TENM1: variants seen among roughly 807,000 people sequenced by gnomAD.
The protein encoded by TENM1 is teneurin transmembrane protein 1.
TENM1 carries 35 observed loss-of-function variants against 174.8 expected under a neutral mutation model. The ratio of observed to expected loss-of-function variants is 0.20; its 90% CI spans 0.15 to 0.27. The LOEUF is 0.27. Among genes scored for constraint, TENM1 ranks in the 10% least tolerant of loss-of-function variants. The probability of loss-of-function intolerance (pLI) is 1.00; values close to 1 mark genes in which losing one functional copy is unlikely to be tolerated. For missense variants in TENM1, 1,633 were observed against 2,130.1 expected (o/e 0.77, Z 4.59); for synonymous variants, 781 against 798.7 (o/e 0.98, Z 0.37).
At chrX:124,780,946 T>C (rs1317680524) in intron 3 of TENM1, among the ~76,000 whole-genome samples, 1 of 111,619 alleles carries the variant, frequency 9.0e-6, no homozygotes, top group African/African-American at 3.3e-5. Context: ...TGGTCACTTG[T>C]ACTGTTATTC....
chrX:124,428,571 G>A (rs1370650269), intron 23 of TENM1, among the ~76,000 whole-genome samples: 2 of 111,775 alleles, frequency 1.8e-5, no homozygotes, highest in Non-Finnish European at 3.8e-5. Flanking sequence ...TATATTCTAC[G>A]AGTCTCTGGT....
the TENM1 span, among the ~76,000 whole-genome samples, chrX:125,181,172 C>T: frequency 8.9e-6 from 1 of 112,036 alleles, no homozygotes; most frequent in Admixed American, 9.5e-5. Flanking sequence ...TTTTCAACAT[C>T]ACAACTCTGT....
chrX:124,865,697 T>G (rs745986699), intron 3 of TENM1, among the ~76,000 whole-genome samples: 1 of 111,022 alleles, frequency 9.0e-6, no homozygotes, highest in South Asian at 3.8e-4. Context: ...TGGACTAAAC[T>G]CTCCAATCAA....
intron 21 of TENM1, among the ~76,000 whole-genome samples, chrX:124,484,085 C>T (rs2046902936): frequency 9.0e-6 from 1 of 111,384 alleles, no homozygotes; most frequent in African/African-American, 3.3e-5. Flanking sequence ...TTTTTGATGA[C>T]CTTAACAGTT....
intron 22 of TENM1, 127 bp downstream of exon 25, chrX:124,481,605 G>A (rs2046842218): frequency 1.4e-5 from 3 of 218,134 alleles, no homozygotes; most frequent in South Asian, 5.6e-4. Context: ...GGCTCTCAGA[G>A]GCAAAATATT....
chrX:125,164,518 C>G, the TENM1 span, among the ~76,000 whole-genome samples: 1 of 112,028 alleles, frequency 8.9e-6, no homozygotes, highest in Admixed American at 9.5e-5. Context: ...TTTCTCTTCT[C>G]TGAATTTGTA....
At chrX:124,772,284 C>T (rs775172662) in intron 3 of TENM1, among the ~76,000 whole-genome samples, 25 of 111,354 alleles carry the variant, frequency 2.2e-4, no homozygotes, top group Admixed American at 6.7e-4. Flanking sequence ...TACACGCACA[C>T]GCCACCACAC....
At chrX:125,135,165 G>GT in the TENM1 span, among the ~76,000 whole-genome samples, 3 of 110,521 alleles carry the variant, frequency 2.7e-5, no homozygotes, top group Non-Finnish European at 5.7e-5. Context: ...GTTGCAAAAT[G>GT]TTTTTTTATC....
chrX:124,717,746 C>G (rs763536445), intron 4 of TENM1, among the ~76,000 whole-genome samples: 2 of 111,894 alleles, frequency 1.8e-5, no homozygotes, highest in Non-Finnish European at 3.8e-5. Flanking sequence ...CCATATTGAG[C>G]AAGAAACAGA....
chrX:125,151,096 G>A, the TENM1 span, among the ~76,000 whole-genome samples: 1 of 111,850 alleles, frequency 8.9e-6, no homozygotes, highest in Non-Finnish European at 1.9e-5. Flanking sequence ...ATTCCAGTGG[G>A]CCTACAGATC....
the TENM1 span, among the ~76,000 whole-genome samples, chrX:125,188,426 GA>G: frequency 0.014 from 1,527 of 111,363 alleles, 31 homozygotes; most frequent in African/African-American, 0.046. Context: ...TAAAGCAGAA[GA>G]AAAAAGAAAC....
At chrX:124,385,556 T>C in intron 29 of TENM1, 121 bp downstream of exon 32, 1 of 651,716 alleles carries the variant, frequency 1.5e-6, no homozygotes, top group South Asian at 3.7e-5. Context: ...ATTTGATAAG[T>C]AAAGTGAAAG....
chrX:124,491,453 T>C (rs184716980), intron 20 of TENM1, among the ~76,000 whole-genome samples: 1 of 111,593 alleles, frequency 9.0e-6, no homozygotes, highest in East Asian at 2.8e-4. Context: ...TATCTTAAAA[T>C]TTTTTTCAAG....
intron 5 of TENM1, among the ~76,000 whole-genome samples, chrX:124,682,659 C>T (rs1336025499): frequency 1.8e-5 from 2 of 111,109 alleles, no homozygotes; most frequent in Non-Finnish European, 3.8e-5. Context: ...TACATTATGG[C>T]ACAGACACCT....
At chrX:124,522,480 A>C (rs959601283) in intron 17 of TENM1, among the ~76,000 whole-genome samples, 1 of 110,858 alleles carries the variant, frequency 9.0e-6, no homozygotes, top group African/African-American at 3.3e-5. Context: ...ATAAAGAATA[A>C]TTCTCAGGAA....
intron 3 of TENM1, among the ~76,000 whole-genome samples, chrX:124,787,279 A>G (rs1201554981): frequency 9.0e-6 from 1 of 111,699 alleles, no homozygotes; most frequent in Non-Finnish European, 1.9e-5. Context: ...ATTAATAACA[A>G]TGTATCTCCA....
Position 124,520,215 on chromosome X carries a change from C to T in TENM1, c.3301+302G>A, listed in dbSNP as rs151125263. Among the ~76,000 whole-genome samples the T allele has an allele frequency of 5.4e-3, 599 of 111,489 alleles. 3 individuals carry two copies. Among genetic ancestry groups the T allele is most frequent in the African/African-American group, 0.018 (562 of 30,725 alleles). ...AATCCAAAAACATGGCCTTATAGAA[C>T]GCCACACCAAAGGTCACATTTAGAA... On this transcript the variant is annotated intron_variant, in intron 18 of 31. Coordinates refer to ENST00000422452, the Ensembl canonical transcript of TENM1.
chrX:124,627,577 G>A (rs191494874), intron 11 of TENM1, among the ~76,000 whole-genome samples: 51 of 111,596 alleles, frequency 4.6e-4, no homozygotes, highest in South Asian at 1.5e-3. Context: ...TGGTGATCCC[G>A]AGCCACCTCT....
chrX:124,455,582 A>G (rs755088962), intron 22 of TENM1, among the ~76,000 whole-genome samples: 2 of 111,338 alleles, frequency 1.8e-5, no homozygotes, highest in East Asian at 5.6e-4. Context: ...TCAAGACTCA[A>G]GTCTGGGGAT....
Sources: allele counts gnomAD v4.1 joint callset (sites outside exome capture counted in the v4.1 genomes callset), GRCh38; gene constraint gnomAD v4.1.1; transcripts MANE v1.5; gene names NCBI Gene and HGNC (gene_info 2026-07-23, HGNC 2026-07-21).